Variants in TPM1 observed in about 807,000 individuals in gnomAD.
TPM1 encodes the protein tropomyosin alpha-1 chain.
Under a neutral mutation model 42.9 loss-of-function variants are expected in TPM1, and 24 were observed. The observed-to-expected ratio is 0.56, with a 90% CI of 0.41 to 0.79. The LOEUF (loss-of-function observed/expected upper bound fraction) is 0.79. Ranked by LOEUF, TPM1 falls within the 30% of genes least tolerant of loss-of-function variation. TPM1 has a pLI of 0.00. For synonymous variants in TPM1, 136 were observed against 130.1 expected, an observed-to-expected ratio of 1.05 and a Z score of -0.31; for missense variants, 158 against 351.8, an observed-to-expected ratio of 0.45 and a Z score of 4.41.
downstream of TPM1, chr15:63,071,118 C>G (rs146470352): frequency 1.2e-6 from 2 of 1,614,090 alleles, no homozygotes; most frequent in Non-Finnish European, 1.7e-6. Context: ...AAGAAGAAAA[C>G]CTTAGTATGC....
chr15:63,053,071 T>C (rs544700458), intron 2 of TPM1, among the ~76,000 whole-genome samples: 17 of 152,308 alleles, frequency 1.1e-4, no homozygotes, highest in South Asian at 8.3e-4. Flanking sequence ...CCTGTCCTGC[T>C]CTGAAACCTC....
chr15:63,063,343 G>A (rs764392088), intron 8 of TPM1: 4 of 985,324 alleles, frequency 4.1e-6, no homozygotes, highest in Non-Finnish European at 4.8e-6. Flanking sequence ...GTGGAGAAGA[G>A]AGAATGACAA....
chr15:63,047,298 G>GAGC (rs1430930694), intron 2 of TPM1: 1 of 152,306 alleles, frequency 6.6e-6, no homozygotes, highest in Non-Finnish European at 1.5e-5. Context: ...CTTGGAGGAG[G>GAGC]AGAGGGTTGT....
intron 9 of TPM1, chr15:63,065,058 A>G (rs2036129828): frequency 1.0e-6 from 1 of 985,370 alleles, no homozygotes; most frequent in African/African-American, 1.7e-5. Flanking sequence ...TAAAATACCC[A>G]CGATAAATAT....
intron 9 of TPM1, chr15:63,065,493 G>T (rs896712438): frequency 3.0e-6 from 3 of 985,294 alleles, no homozygotes; most frequent in African/African-American, 1.7e-5. Flanking sequence ...GGAAACCAGA[G>T]AAAATGTGTC....
chr15:63,060,595 T>A (rs1486375385), intron 4 of TPM1, among the ~76,000 whole-genome samples: 1 of 152,228 alleles, frequency 6.6e-6, no homozygotes, highest in South Asian at 2.1e-4. Flanking sequence ...TCCTTCCACA[T>A]TTTGGTCTGG....
Position 63,060,952 on chromosome 15 carries a change from G to A in TPM1, c.563+13G>A, listed in dbSNP as rs777902231. The A allele has an allele frequency of 6.8e-6, 11 of 1,613,628 alleles. No individual in the cohort carries two copies. The highest frequency in any genetic ancestry group is 2.7e-5 in the African/African-American group (2 of 74,904). Reference sequence around the variant, plus strand: ...AGCTCTCAGAAGGGTAAGCGGGCCCGGCGCCAGGAGGCCACGAATGGGGTG... The same window carrying A: ...AGCTCTCAGAAGGGTAAGCGGGCCCAGCGCCAGGAGGCCACGAATGGGGTG... On this transcript the variant is annotated intron_variant, in intron 5 of 9. Transcript: ENST00000403994.
chr15:63,064,015 G>T, intron 8 of TPM1, 49 bp from the exon 9 acceptor site: 1 of 1,609,056 alleles, frequency 6.2e-7, no homozygotes, highest in South Asian at 1.1e-5. Flanking sequence ...TCCATTTCTT[G>T]ATCACTCTCC....
intron 2 of TPM1, among the ~76,000 whole-genome samples, chr15:63,053,687 T>TG (rs1343818647): frequency 3.7e-4 from 30 of 80,524 alleles, no homozygotes; most frequent in Middle Eastern, 5.2e-3. Flanking sequence ...TTTTTTTTTT[T>TG]TTTTTGTTTT....
intron 3 of TPM1, 122 bp from the exon 4 acceptor site, chr15:63,059,441 G>A: frequency 1.4e-6 from 1 of 708,492 alleles, no homozygotes; most frequent in South Asian, 1.4e-5. Context: ...GAAAATAAAA[G>A]TAGCTCTGTG....
chr15:63,054,214 G>C (rs2034414763), intron 2 of TPM1, among the ~76,000 whole-genome samples: 1 of 152,298 alleles, frequency 6.6e-6, no homozygotes, highest in Middle Eastern at 3.4e-3. Flanking sequence ...TCCATGCCCA[G>C]TCGTTGCTGG....
chr15:63,048,094 G>C, intron 2 of TPM1: 1 of 402,282 alleles, frequency 2.5e-6, no homozygotes, highest in Non-Finnish European at 4.9e-6. Context: ...TCTGGCTCCC[G>C]GGCATGGGAA....
In TPM1 at chr15:63,064,467, C is replaced by T. The variant is rs2036046073; in HGVS notation, c.851+325C>T. On this transcript the variant is annotated intron_variant, in intron 9 of 9. Transcript: ENST00000403994. ...CTCAAGTAAAACTAGAAGGCCATGC[C>T]GTTTGTTGTACAGGAACTTCTCAAA... is the stretch of plus-strand genomic sequence containing the variant. The T allele has an allele frequency of 8.8e-6, 10 of 1,139,900 alleles. No homozygotes were observed. The South Asian group carries it at 1.0e-4, about 12-fold the overall frequency. 70.6% of individuals were successfully genotyped at this position (1,139,900 alleles called of 1,614,324 possible).
Position 63,066,110 on chromosome 15 carries a change from T to G in TPM1, c.*211T>G. The G allele has an allele frequency of 6.7e-7, 1 of 1,491,108 alleles. No individual in the cohort carries two copies. Among genetic ancestry groups the G allele is most frequent in the Non-Finnish European group, 8.9e-7 (1 of 1,129,622 alleles). The allele number at this position is 1,491,108 out of a possible 1,614,324, so 92.4% of individuals were successfully genotyped here. A position where few individuals can be genotyped will look rare whatever the true frequency, so the allele number is the denominator to read the frequency against. ...TGTAAGCTATTTCTGTTTGCTATTC[T>G]TTTTACTTCTTATTTATTGACATTT... On this transcript the variant is annotated 3_prime_UTR_variant, in exon 10 of 10. Coordinates refer to ENST00000403994, the MANE Select transcript of TPM1 (RefSeq NM_001018005.2).
intron 6 of TPM1, 152 bp downstream of exon 6, chr15:63,061,940 T>C: frequency 1.4e-6 from 1 of 740,600 alleles, no homozygotes; most frequent in Non-Finnish European, 2.3e-6. Context: ...AAATTCTTTT[T>C]TTTAACTAGA....
Position 63,059,817 on chromosome 15 carries a change from T to C in TPM1, c.492+137T>C, listed in dbSNP as rs559673674. 4.8e-6 allele frequency: 3 copies of C among 620,464 alleles called. No homozygotes were observed. The African/African-American group carries it at 5.5e-5, about 11-fold the overall frequency. The allele number at this position is 620,464 out of a possible 1,614,324, so 38.4% of individuals were successfully genotyped here. A position where few individuals can be genotyped will look rare whatever the true frequency, so the allele number is the denominator to read the frequency against. ...AATGGGTGGTTTTGAGAAGCAGAGT[T>C]CCTTTGTGTCCAGAAAACGGTTCTA... On this transcript the variant is annotated intron_variant, in intron 4 of 9. Transcript: ENST00000403994.
intron 2 of TPM1, chr15:63,056,553 A>G (rs61448348): frequency 0.019 from 3,348 of 179,152 alleles, 101 homozygotes; most frequent in African/African-American, 0.089. Flanking sequence ...TGTAGTCCCA[A>G]CTACTCGGGA....
chr15:63,070,174 A>G, downstream of TPM1: 1 of 1,339,828 alleles, frequency 7.5e-7, no homozygotes, highest in South Asian at 1.5e-5. Context: ...TACTTATATC[A>G]ATTCAGCACT....
In TPM1 at chr15:63,066,027, C is replaced by A. The variant is rs540306699; in HGVS notation, c.*128C>A. 6.5e-7 allele frequency: 1 copy of A among 1,549,920 alleles called. No individual in the cohort carries two copies. Among genetic ancestry groups the A allele is most frequent in the Non-Finnish European group, 8.7e-7 (1 of 1,148,512 alleles). On this transcript the variant is annotated 3_prime_UTR_variant, in exon 10 of 10. Coordinates refer to ENST00000403994, the MANE Select transcript of TPM1 (RefSeq NM_001018005.2). ...CTTAGCATCCTGCCTTAGAGCCAGG[C>A]ACACACTGTGCTTTCTATTGTACAG...
Sources: allele counts gnomAD v4.1 joint callset (sites outside exome capture counted in the v4.1 genomes callset), GRCh38; gene constraint gnomAD v4.1.1; transcripts MANE v1.5; gene names NCBI Gene and HGNC (gene_info 2026-07-23, HGNC 2026-07-21).